RPL23A: variants seen among roughly 807,000 people sequenced by gnomAD.
RPL23A encodes the protein large ribosomal subunit protein uL23.
A neutral mutation model predicts 17.6 loss-of-function variants in RPL23A; 2 were observed. The ratio of observed to expected loss-of-function variants is 0.11; its 90% CI spans 0.05 to 0.36. The LOEUF (loss-of-function observed/expected upper bound fraction) is 0.36. Ranked by LOEUF, RPL23A falls within the 10% of genes least tolerant of loss-of-function variation. The pLI, the probability that RPL23A is intolerant of heterozygous loss-of-function variation, is 1.00. For synonymous variants in RPL23A, 65 were observed against 74.3 expected, an observed-to-expected ratio of 0.87 and a Z score of 0.65; for missense variants, 132 against 194.4, an observed-to-expected ratio of 0.68 and a Z score of 1.91.
chr17:28,720,051 C>T (rs1412246052), intron 1 of RPL23A, 21 bp downstream of exon 1: 12 of 1,551,112 alleles, frequency 7.7e-6, no homozygotes, highest in African/African-American at 1.4e-5. Flanking sequence ...GTGATGGGGC[C>T]GCAGCTGGTT....
In RPL23A at chr17:28,723,654, C is replaced by T; in HGVS notation, c.456+14C>T. ...GTTGCCAACAAAGTAAGTTTCCTTC[C>T]TACAAACCCCTTAATGCTCACCCCT... On this transcript the variant is annotated intron_variant, in intron 4 of 4. Transcript: ENST00000422514. The T allele has an allele frequency of 6.2e-7, 1 of 1,611,630 alleles. No individual in the cohort carries two copies. Among genetic ancestry groups the T allele is most frequent in the East Asian group, 2.2e-5 (1 of 44,874 alleles).
In RPL23A at chr17:28,722,293, C is replaced by T. The variant is rs572905415; in HGVS notation, c.210-430C>T. ...TTTGCCCCTGGCCCGATTCTCCTGCCTCAGCCTCTTGAGTAGCTCGGACTA... is the reference window on the plus strand; with the variant it reads ...TTTGCCCCTGGCCCGATTCTCCTGCTTCAGCCTCTTGAGTAGCTCGGACTA... On this transcript the variant is annotated intron_variant, in intron 2 of 4. Coordinates refer to ENST00000422514, the MANE Select transcript of RPL23A (RefSeq NM_000984.6). The T allele has an allele frequency of 1.9e-4, 49 of 261,844 alleles. 1 individual carries two copies. The highest frequency in any genetic ancestry group is 1.8e-3 in the South Asian group (47 of 25,460). The allele number at this position is 261,844 out of a possible 1,614,324, so 16.2% of individuals were successfully genotyped here.
At chr17:28,720,426 AT>A (rs750473656) in intron 1 of RPL23A, 30 of 1,608,592 alleles carry the variant, frequency 1.9e-5, no homozygotes, top group Non-Finnish European at 2.5e-5. Context: ...TGGTTTTGCG[AT>A]GGGGTATGTG....
chr17:28,722,664 T>A, intron 2 of RPL23A, 59 bp from the exon 3 acceptor site: 1 of 1,437,562 alleles, frequency 7.0e-7, no homozygotes, highest in Non-Finnish European at 9.8e-7. Context: ...TAGGCTCTCC[T>A]GGCTCTGGGC....
At chr17:28,723,466 A>G (rs763587034) in intron 3 of RPL23A, 105 bp from the exon 4 acceptor site, 1 of 842,042 alleles carries the variant, frequency 1.2e-6, no homozygotes, top group South Asian at 1.3e-5. Context: ...GAAAAGAATG[A>G]CATGAACAAA....
chr17:28,720,703 C>T lies in RPL23A; in HGVS notation c.26-4C>T, dbSNP rs775886750. 3 of 1,614,078 alleles carry T rather than the reference C, an allele frequency of 1.9e-6. No homozygotes were observed. In the Admixed American group the frequency reaches 5.0e-5, roughly 27 times the overall value. ...CACCCACGTTTTCTTTCCTTTTCTC[C>T]CAGCTCCTGCCCCTCCTAAAGCTGA... On this transcript the variant is annotated splice_polypyrimidine_tract_variant and splice_region_variant and intron_variant, in intron 1 of 4. Coordinates refer to ENST00000422514, the MANE Select transcript of RPL23A (RefSeq NM_000984.6).
chr17:28,719,995 C>G lies in RPL23A; in HGVS notation c.-11C>G. On this transcript the variant is annotated 5_prime_UTR_variant, in exon 1 of 5. Transcript: ENST00000422514. ...CCCGTGGGAACGAGCATTGGAGACC[C>G]TTTTCACAAGATGGCGCCGAAAGCG... 1 of 1,551,922 alleles carries G rather than the reference C, an allele frequency of 6.4e-7. No homozygotes were observed. Among genetic ancestry groups the G allele is most frequent in the Non-Finnish European group, 8.7e-7 (1 of 1,147,074 alleles).
rs1233996571 is a variant in RPL23A, at chr17:28,720,690, C to T, written c.26-17C>T. 1 of 1,613,960 alleles carries T rather than the reference C, an allele frequency of 6.2e-7. No homozygotes were observed. The highest frequency in any genetic ancestry group is 1.3e-5 in the African/African-American group (1 of 74,918). The stretch of plus-strand genomic sequence containing the variant: ...TTTCTAAATCCCGCACCCACGTTTT[C>T]TTTCCTTTTCTCCCAGCTCCTGCCC... On this transcript the variant is annotated splice_polypyrimidine_tract_variant and intron_variant, in intron 1 of 4. Transcript: ENST00000422514.
At position 28,723,604 on chromosome 17, in the gene RPL23A, G is replaced by C; in HGVS notation, c.420G>C (p.Leu140=). The C allele has an allele frequency of 6.2e-7, 1 of 1,614,034 alleles. No homozygotes were observed. The highest frequency in any genetic ancestry group is 8.5e-7 in the Non-Finnish European group (1 of 1,179,990). ...PDGEKKAYVR[L]APDYDALDVA... ...GAGAGAAGAAGGCATATGTTCGACT[G>C]GCTCCTGATTACGATGCTTTGGATG... is the stretch of plus-strand genomic sequence containing the variant. Residue 140 remains leucine (L), a synonymous_variant, in exon 4 of 5, where the codon CTG becomes CTC. Coordinates refer to ENST00000422514, the MANE Select transcript of RPL23A (RefSeq NM_000984.6).
chr17:28,723,287 G>C (rs941312968), intron 3 of RPL23A: 2 of 591,828 alleles, frequency 3.4e-6, no homozygotes, highest in Non-Finnish European at 6.2e-6. Flanking sequence ...ATTGGGGGTT[G>C]GTCCTCATTT....
chr17:28,723,320 GA>G (rs1378301866), intron 3 of RPL23A: 1 of 676,322 alleles, frequency 1.5e-6, no homozygotes, highest in African/African-American at 1.7e-5. Flanking sequence ...CTTCTATTGG[GA>G]AAGGCAACTA....
chr17:28,720,222 A>G lies in RPL23A; in HGVS notation c.25+192A>G, dbSNP rs997588924. 5 of 1,531,334 alleles carry G rather than the reference A, an allele frequency of 3.3e-6. No individual in the cohort carries two copies. The African/African-American group carries it at 7.1e-5, about 22-fold the overall frequency. 94.9% of individuals were successfully genotyped at this position (1,531,334 alleles called of 1,614,324 possible). A position where few individuals can be genotyped will look rare whatever the true frequency, so the allele number is the denominator to read the frequency against. On this transcript the variant is annotated intron_variant, in intron 1 of 4. Coordinates refer to ENST00000422514, the MANE Select transcript of RPL23A (RefSeq NM_000984.6). Reference sequence around the variant, plus strand: ...TCGTGGGCTGAGTTCCGGTAGAGGGAGTTGGGGGGGGGCAACGCGGCAGGC... The same window carrying G: ...TCGTGGGCTGAGTTCCGGTAGAGGGGGTTGGGGGGGGGCAACGCGGCAGGC...
chr17:28,723,619 T>C lies in RPL23A; in HGVS notation c.435T>C (p.Asp145=). ...ATGTTCGACTGGCTCCTGATTACGA[T>C]GCTTTGGATGTTGCCAACAAAGTAA... ...KAYVRLAPDY[D]ALDVANKIGI... is the part of the protein sequence containing the mutation. The change falls in exon 4 of 5, where the codon GAT becomes GAC. Residue 145 remains aspartate, a synonymous_variant. Transcript: ENST00000422514. 3.1e-6 allele frequency: 5 copies of C among 1,614,078 alleles called. No individual in the cohort carries two copies. The highest frequency in any genetic ancestry group is 1.1e-5 in the South Asian group (1 of 91,086).
At chr17:28,723,251 G>A in intron 3 of RPL23A, 2 of 549,314 alleles carry the variant, frequency 3.6e-6, no homozygotes, top group East Asian at 3.3e-5. Flanking sequence ...AGACCTTTGT[G>A]TGGACCTGAG....
intron 2 of RPL23A, among the ~76,000 whole-genome samples, chr17:28,722,245 CAA>C (rs57128027): frequency 0.53 from 66,835 of 126,988 alleles, 19,085 homozygotes; most frequent in Non-Finnish European, 0.65. Context: ...GACTCTGTCT[CAA>C]AAAAAAAAAA....
At chr17:28,723,367 C>T (rs2034150264) in intron 3 of RPL23A, 1 of 757,568 alleles carries the variant, frequency 1.3e-6, no homozygotes, top group Non-Finnish European at 2.4e-6. Context: ...TGGTTTAAGT[C>T]TTAATGTGGC....
intron 2 of RPL23A, 49 bp downstream of exon 2, chr17:28,720,939 G>A (rs374961022): frequency 3.3e-6 from 5 of 1,528,884 alleles, no homozygotes; most frequent in Non-Finnish European, 4.5e-6. Context: ...ATTCTCCATT[G>A]GTAATTTGGA....
rs2034172332 is a variant in RPL23A at position 28,724,352 on chromosome 17, G to C, written c.*471G>C. 1.0e-6 allele frequency: 1 copy of C among 963,348 alleles called. No homozygotes were observed. Among genetic ancestry groups the C allele is most frequent in the Non-Finnish European group, 1.6e-6 (1 of 643,332 alleles). 59.7% of individuals were successfully genotyped at this position (963,348 alleles called of 1,614,324 possible). On this transcript the variant is annotated 3_prime_UTR_variant, in exon 5 of 5. Transcript: ENST00000422514. The stretch of plus-strand genomic sequence containing the variant: ...TGCCCAATAAAGGACAAGGACTTCA[G>C]AGGAGTACTTTCATTAGTGTTTTCA...
chr17:28,720,301 C>G, intron 1 of RPL23A: 2 of 1,550,286 alleles, frequency 1.3e-6, no homozygotes, highest in South Asian at 2.4e-5. Context: ...CATGCATCCA[C>G]TGGTTGGAGC....
Sources: gnomAD v4.1 joint callset for allele counts (sites outside exome capture counted in the v4.1 genomes callset) on GRCh38, gnomAD v4.1.1 for gene constraint, MANE v1.5 for transcripts, NCBI Gene and HGNC (gene_info 2026-07-23, HGNC 2026-07-21) for gene names.